The following VPS13B variants were observed in gnomAD, a reference collection of about 807,000 sequenced individuals.
VPS13B encodes the protein vacuolar protein sorting 13 homolog B.
A neutral mutation model predicts 426.4 loss-of-function variants in VPS13B; 285 were observed. The ratio of observed to expected loss-of-function variants is 0.67; its 90% CI spans 0.61 to 0.74. The LOEUF (loss-of-function observed/expected upper bound fraction) is 0.74. Among genes scored for constraint, VPS13B ranks in the 30% least tolerant of loss-of-function variants. VPS13B has a pLI of 0.00. For synonymous variants in VPS13B, 1,676 were observed against 1,676.4 expected (o/e 1.00, Z 0.01); for missense variants, 4,537 against 4,782.6 (o/e 0.95, Z 1.51).
At chr8:99,091,446 T>C (rs973349920) in intron 3 of VPS13B, among the ~76,000 whole-genome samples, 3 of 152,186 alleles carry the variant, frequency 2.0e-5, no homozygotes, top group Non-Finnish European at 4.4e-5. Flanking sequence ...CCACCCTTGA[T>C]AGAAGATGGA....
chr8:99,261,825 A>C (rs906204319), intron 17 of VPS13B, among the ~76,000 whole-genome samples: 1 of 152,178 alleles, frequency 6.6e-6, no homozygotes, highest in Non-Finnish European at 1.5e-5. Context: ...ATTGTGATTC[A>C]TACAATTTTA....
At chr8:99,111,362 A>G in intron 6 of VPS13B, 83 bp downstream of exon 6, 1 of 1,164,324 alleles carries the variant, frequency 8.6e-7, no homozygotes, top group Non-Finnish European at 1.2e-6. Flanking sequence ...ATTATTAACA[A>G]ATGAAGAAAT....
At chr8:99,116,311 C>T (rs1329186947) in intron 7 of VPS13B, among the ~76,000 whole-genome samples, 3 of 151,874 alleles carry the variant, frequency 2.0e-5, no homozygotes, top group Non-Finnish European at 4.4e-5. Flanking sequence ...GGATTACAGG[C>T]ATGAGCCACT....
At chr8:99,109,653 A>G (rs1847257477) in intron 5 of VPS13B, among the ~76,000 whole-genome samples, 1 of 152,218 alleles carries the variant, frequency 6.6e-6, no homozygotes, top group African/African-American at 2.4e-5. Flanking sequence ...TGCTGGGATT[A>G]TAGGCATGAA....
intron 8 of VPS13B, among the ~76,000 whole-genome samples, chr8:99,130,680 G>A (rs534765947): frequency 2.6e-5 from 4 of 152,148 alleles, no homozygotes; most frequent in Non-Finnish European, 4.4e-5. Flanking sequence ...GTGAGCCACC[G>A]CATGAGTCCT....
At chr8:99,568,336 G>A (rs1444379486) in intron 31 of VPS13B, among the ~76,000 whole-genome samples, 1 of 151,106 alleles carries the variant, frequency 6.6e-6, no homozygotes, top group Non-Finnish European at 1.5e-5. Flanking sequence ...TGTCACCCAG[G>A]CTGGAGTGCA....
At chr8:99,456,412 G>A (rs926451478) in intron 23 of VPS13B, among the ~76,000 whole-genome samples, 1 of 151,996 alleles carries the variant, frequency 6.6e-6, no homozygotes, top group African/African-American at 2.4e-5. Flanking sequence ...CAAGTGATCT[G>A]CCCACCTTGG....
intron 19 of VPS13B, among the ~76,000 whole-genome samples, chr8:99,378,750 G>T: frequency 6.6e-6 from 1 of 152,094 alleles, no homozygotes; most frequent in Middle Eastern, 3.4e-3. Flanking sequence ...TAAATGTTTT[G>T]TTCATTAATA....
intron 19 of VPS13B, among the ~76,000 whole-genome samples, chr8:99,356,571 C>G (rs1812193956): frequency 6.6e-6 from 1 of 152,098 alleles, no homozygotes; most frequent in Non-Finnish European, 1.5e-5. Flanking sequence ...CTCTTGAGCC[C>G]AGGAGATCAA....
At chr8:99,310,322 T>A (rs1232725242) in intron 19 of VPS13B, among the ~76,000 whole-genome samples, 2 of 152,224 alleles carry the variant, frequency 1.3e-5, no homozygotes, top group African/African-American at 4.8e-5. Flanking sequence ...TGTGCATTTG[T>A]CATAAATAGC....
chr8:99,679,183 A>G (rs1831057931), intron 35 of VPS13B, among the ~76,000 whole-genome samples: 1 of 152,088 alleles, frequency 6.6e-6, no homozygotes, highest in South Asian at 2.1e-4. Flanking sequence ...TAGTAATACC[A>G]TTTTCACTAA....
chr8:99,066,865 C>CT (rs1381934616), intron 3 of VPS13B, among the ~76,000 whole-genome samples: 6 of 152,176 alleles, frequency 3.9e-5, no homozygotes, highest in African/African-American at 1.4e-4. Context: ...AAGAAGACAT[C>CT]TATGCAGCCA....
chr8:99,174,641 C>CT (rs1812532577), intron 16 of VPS13B, among the ~76,000 whole-genome samples: 1 of 151,964 alleles, frequency 6.6e-6, no homozygotes, highest in South Asian at 2.1e-4. Flanking sequence ...TGTAGAAGTT[C>CT]TTTATGTGTT....
intron 2 of VPS13B, among the ~76,000 whole-genome samples, chr8:99,020,325 G>A (rs573163045): frequency 6.6e-6 from 1 of 151,820 alleles, no homozygotes; most frequent in African/African-American, 2.4e-5. Context: ...ATTTTGAATC[G>A]GGTTCTTTGT....
intron 39 of VPS13B, among the ~76,000 whole-genome samples, chr8:99,756,410 G>A (rs1285144107): frequency 6.6e-6 from 1 of 152,160 alleles, no homozygotes; most frequent in African/African-American, 2.4e-5. Context: ...AGTCCCAGGA[G>A]AGGAGAGAAA....
intron 23 of VPS13B, among the ~76,000 whole-genome samples, chr8:99,464,170 A>G (rs1040370163): frequency 6.6e-6 from 1 of 152,162 alleles, no homozygotes; most frequent in Non-Finnish European, 1.5e-5. Context: ...TGCCTGAGTC[A>G]TACTGGTTTT....
chr8:99,136,805 C>A, intron 12 of VPS13B, 53 bp downstream of exon 12: 12 of 1,558,850 alleles, frequency 7.7e-6, no homozygotes, highest in Middle Eastern at 3.4e-4. Context: ...TGAAACAAAG[C>A]CTTCCTCAGA....
chr8:99,451,687 G>A (rs1168017608), intron 23 of VPS13B, among the ~76,000 whole-genome samples: 1 of 152,110 alleles, frequency 6.6e-6, no homozygotes, highest in Non-Finnish European at 1.5e-5. Context: ...CTCTTCTGCT[G>A]CCATGTTCCT....
intron 30 of VPS13B, among the ~76,000 whole-genome samples, chr8:99,522,072 A>C (rs1289643694): frequency 6.6e-6 from 1 of 152,190 alleles, no homozygotes; most frequent in South Asian, 2.1e-4. Context: ...TCCCTGTTTT[A>C]CAGATTAGGA....
Sources: gnomAD v4.1 joint callset for allele counts (sites outside exome capture counted in the v4.1 genomes callset) on GRCh38, gnomAD v4.1.1 for gene constraint, MANE v1.5 for transcripts, NCBI Gene and HGNC (gene_info 2026-07-23, HGNC 2026-07-21) for gene names.